The following GABRB2 variants were observed in gnomAD, a reference collection of about 807,000 sequenced individuals.
GABRB2 encodes the protein gamma-aminobutyric acid receptor subunit beta-2.
A neutral mutation model predicts 54.7 loss-of-function variants in GABRB2; 16 were observed. That is an observed-to-expected ratio of 0.29 (90% CI 0.20 to 0.44). The LOEUF (loss-of-function observed/expected upper bound fraction) is 0.44, where lower values mean the gene tolerates loss of function less well. Ranked by LOEUF, GABRB2 falls within the 20% of genes least tolerant of loss-of-function variation. GABRB2 has a pLI of 1.00. For synonymous variants in GABRB2, 244 were observed against 233.8 expected (o/e 1.04, Z -0.40); for missense variants, 355 against 644.0 (o/e 0.55, Z 4.86).
chr5:161,429,357 A>AAAAAAAAAAAAAAAAAAAAAAAAAT (rs1402875797), intron 4 of GABRB2, among the ~76,000 whole-genome samples: 1 of 108,248 alleles, frequency 9.2e-6, no homozygotes, highest in African/African-American at 3.3e-5. Flanking sequence ...AAAAAAAAAA[A>AAAAAAAAAAAAAAAAAAAAAAAAAT]AGAAAAAGAA....
intron 4 of GABRB2, chr5:161,459,100 C>T (rs13160563): frequency 0.023 from 3,484 of 154,710 alleles, 64 homozygotes; most frequent in Non-Finnish European, 0.034. Flanking sequence ...ACAGTTATTT[C>T]CTGACATAGA....
At chr5:161,322,313 G>GCAAC (rs1184708667) in intron 9 of GABRB2, among the ~76,000 whole-genome samples, 3 of 152,134 alleles carry the variant, frequency 2.0e-5, no homozygotes. Flanking sequence ...TTGGCGCGCT[G>GCAAC]CAACCTCCAC....
intron 4 of GABRB2, among the ~76,000 whole-genome samples, chr5:161,433,528 T>C (rs1040974967): frequency 1.3e-5 from 2 of 151,906 alleles, no homozygotes; most frequent in African/African-American, 4.8e-5. Context: ...GAGGATCCTT[T>C]GGGCTGGGGA....
intron 5 of GABRB2, among the ~76,000 whole-genome samples, chr5:161,384,774 C>A (rs575124084): frequency 6.6e-6 from 1 of 152,142 alleles, no homozygotes; most frequent in Non-Finnish European, 1.5e-5. Flanking sequence ...AGGGCTTGTA[C>A]TAGGTGAACC....
chr5:161,414,298 G>A (rs927613497), intron 4 of GABRB2, among the ~76,000 whole-genome samples: 1 of 152,032 alleles, frequency 6.6e-6, no homozygotes, highest in African/African-American at 2.4e-5. Context: ...ATGAAAACTT[G>A]CCACCTTACT....
intron 5 of GABRB2, among the ~76,000 whole-genome samples, chr5:161,375,982 T>C (rs570105269): frequency 6.6e-6 from 1 of 152,304 alleles, no homozygotes; most frequent in African/African-American, 2.4e-5. Flanking sequence ...ATTTAATCCA[T>C]AGTCAAGATG....
chr5:161,511,913 A>T (rs2964770), intron 3 of GABRB2, among the ~76,000 whole-genome samples: 151,590 of 152,100 alleles, frequency 1, 75,543 homozygotes, highest in East Asian at 1. Context: ...CTAAATAACG[A>T]CTCATTCAGA....
intron 5 of GABRB2, among the ~76,000 whole-genome samples, chr5:161,365,930 G>A (rs1266426095): frequency 6.6e-6 from 1 of 151,734 alleles, no homozygotes; most frequent in Non-Finnish European, 1.5e-5. Context: ...AAATTTGACT[G>A]TATCACACAA....
chr5:161,459,486 G>T, intron 4 of GABRB2, 138 bp downstream of exon 4: 1 of 722,742 alleles, frequency 1.4e-6, no homozygotes, highest in East Asian at 2.7e-5. Flanking sequence ...GCTCTCAAAT[G>T]TCTAGTGGAT....
In GABRB2 at chr5:161,410,702, C is replaced by T. The variant is rs77060612; in HGVS notation, c.541+273G>A. 9.7e-3 allele frequency among the ~76,000 whole-genome samples: 1,480 copies of T among 152,276 alleles called. 12 individuals are homozygous for T. Among genetic ancestry groups the T allele is most frequent in the Middle Eastern group, 0.027 (8 of 294 alleles). ...TATTTTAAATGCCTGAAATAGCCCT[C>T]GGTCTCCTTCCAGGCTGTTAGCATA... On this transcript the variant is annotated intron_variant, in intron 5 of 9. Transcript: ENST00000393959.
intron 5 of GABRB2, among the ~76,000 whole-genome samples, chr5:161,384,943 A>G (rs555800108): frequency 6.2e-4 from 94 of 152,272 alleles, no homozygotes; most frequent in African/African-American, 2.2e-3. Flanking sequence ...ATATGCTGTG[A>G]CTGCTTTTCT....
chr5:161,337,396 T>C (rs568641730), intron 5 of GABRB2, among the ~76,000 whole-genome samples: 18 of 152,218 alleles, frequency 1.2e-4, no homozygotes, highest in African/African-American at 3.1e-4. Flanking sequence ...TCAAAGAAAA[T>C]CTTCCACAGA....
At chr5:161,343,596 G>A (rs180716002) in intron 5 of GABRB2, among the ~76,000 whole-genome samples, 10 of 152,018 alleles carry the variant, frequency 6.6e-5, no homozygotes, top group Middle Eastern at 3.4e-3. Context: ...ATTTTCTTAC[G>A]TATGTTTAGA....
At chr5:161,524,592 G>A (rs983499248) in intron 3 of GABRB2, among the ~76,000 whole-genome samples, 11 of 151,238 alleles carry the variant, frequency 7.3e-5, no homozygotes, top group Non-Finnish European at 1.2e-4. Flanking sequence ...GCAATGAACT[G>A]ATTTAGCCAA....
intron 5 of GABRB2, among the ~76,000 whole-genome samples, chr5:161,356,351 C>T (rs1232504717): frequency 3.3e-5 from 5 of 152,054 alleles, no homozygotes; most frequent in Non-Finnish European, 5.9e-5. Context: ...TCTAGAAATA[C>T]GGCACATTAA....
chr5:161,497,410 T>C lies in GABRB2; in HGVS notation c.238-37566A>G, dbSNP rs112458404. Among the ~76,000 whole-genome samples, 285 of 152,180 alleles carry C rather than the reference T, an allele frequency of 1.9e-3. 2 individuals are homozygous for C. Among genetic ancestry groups the C allele is most frequent in the Non-Finnish European group, 3.5e-3 (235 of 68,000 alleles). Reference sequence around the variant, plus strand: ...GCCTATGGCATGAGGATTGCTAAAGTGTTCTATCTCATAGCTGGAAACTAA... The same window carrying C: ...GCCTATGGCATGAGGATTGCTAAAGCGTTCTATCTCATAGCTGGAAACTAA... On this transcript the variant is annotated intron_variant, in intron 3 of 9. Coordinates refer to ENST00000393959, the MANE Select transcript of GABRB2 (RefSeq NM_001371727.1).
chr5:161,446,931 T>C (rs955160796), intron 4 of GABRB2, among the ~76,000 whole-genome samples: 1 of 152,020 alleles, frequency 6.6e-6, no homozygotes, highest in African/African-American at 2.4e-5. Context: ...TGGCATGGTA[T>C]TGATACATAA....
chr5:161,441,292 A>G (rs1248680880), intron 4 of GABRB2, among the ~76,000 whole-genome samples: 2 of 152,216 alleles, frequency 1.3e-5, no homozygotes, highest in Non-Finnish European at 2.9e-5. Flanking sequence ...AAATTGGCTA[A>G]ATATTTGAAT....
Position 161,294,420 on chromosome 5 carries a change from G to C in GABRB2, c.1200C>G (p.Pro400=), listed in dbSNP as rs770453629. 1.9e-6 allele frequency: 3 copies of C among 1,610,932 alleles called. No individual in the cohort carries two copies. Among genetic ancestry groups the C allele is most frequent in the Admixed American group, 3.3e-5 (2 of 59,874 alleles). The change falls in exon 10 of 10, where the codon CCC becomes CCG. Residue 400 remains proline, a synonymous_variant. Transcript: ENST00000393959. ...NYDFSLYTMD[P]HENILLSTLE... ...GAGTGCTCAGTAAGATGTTCTCATG[G>C]GGGTCCATCTGCAAGGGAAGAGAAT... is the stretch of plus-strand genomic sequence containing the variant.
Sources: allele counts gnomAD v4.1 joint callset (sites outside exome capture counted in the v4.1 genomes callset), GRCh38; gene constraint gnomAD v4.1.1; transcripts MANE v1.5; gene names NCBI Gene and HGNC (gene_info 2026-07-23, HGNC 2026-07-21).